The following GPHN variants were observed in gnomAD, a reference collection of about 807,000 sequenced individuals.
The protein encoded by GPHN is gephyrin.
In GPHN, 17 loss-of-function variants were observed where a neutral mutation model predicts 95.5. That is an observed-to-expected ratio of 0.18 (90% confidence interval 0.12 to 0.27). The LOEUF is 0.27. GPHN is among the 10% of genes least tolerant of loss of function. GPHN has a pLI of 1.00. For missense variants in GPHN, 660 were observed against 978.1 expected, an observed-to-expected ratio of 0.67 and a Z score of 4.34; for synonymous variants, 320 against 322.5, an observed-to-expected ratio of 0.99 and a Z score of 0.08.
At chr14:67,440,722 C>A in the GPHN span, among the ~76,000 whole-genome samples, 1 of 150,358 alleles carries the variant, frequency 6.7e-6, no homozygotes, top group Admixed American at 6.7e-5. Flanking sequence ...ACTGCCTGGG[C>A]GACAAAGTGG....
At chr14:66,809,390 A>G (rs528263000) in intron 3 of GPHN, among the ~76,000 whole-genome samples, 2 of 152,264 alleles carry the variant, frequency 1.3e-5, no homozygotes, top group South Asian at 2.1e-4. Flanking sequence ...AAAACCTACT[A>G]TTGTCATTAC....
At chr14:66,891,907 A>G (rs1316215119) in intron 5 of GPHN, among the ~76,000 whole-genome samples, 2 of 152,146 alleles carry the variant, frequency 1.3e-5, no homozygotes, top group Non-Finnish European at 2.9e-5. Flanking sequence ...GGGAAATGCA[A>G]ATCAGAACCA....
At chr14:66,728,519 C>T (rs932362928) in intron 2 of GPHN, among the ~76,000 whole-genome samples, 2 of 152,222 alleles carry the variant, frequency 1.3e-5, no homozygotes, top group Admixed American at 1.3e-4. Flanking sequence ...CATAGGAACC[C>T]ACCTTTTGCA....
intron 3 of GPHN, among the ~76,000 whole-genome samples, chr14:66,803,546 A>ATCTT (rs1422036728): frequency 6.6e-6 from 1 of 152,134 alleles, no homozygotes; most frequent in Non-Finnish European, 1.5e-5. Flanking sequence ...TTTTATTCGT[A>ATCTT]TCTTTCTTGA....
At chr14:67,350,758 T>C in the GPHN span, 1 of 1,424,762 alleles carries the variant, frequency 7.0e-7, no homozygotes, top group Non-Finnish European at 9.9e-7. Flanking sequence ...ATCATAATTA[T>C]GTTCCTTTAA....
chr14:66,752,145 G>C (rs2058390131), intron 2 of GPHN, among the ~76,000 whole-genome samples: 1 of 152,094 alleles, frequency 6.6e-6, no homozygotes, highest in Admixed American at 6.6e-5. Context: ...TTAGGGCCTT[G>C]TTCTGAATTA....
the GPHN span, chr14:67,447,016 T>C: frequency 6.6e-6 from 1 of 152,138 alleles, no homozygotes; most frequent in Non-Finnish European, 1.5e-5. Context: ...CTAAATTAGA[T>C]AAGGAAGTCC....
intron 18 of GPHN, among the ~76,000 whole-genome samples, chr14:67,151,221 C>G (rs72717308): frequency 0.054 from 8,201 of 152,272 alleles, 228 homozygotes; most frequent in Middle Eastern, 0.068. Context: ...GTTCTACTTA[C>G]AACTTGAGCT....
intron 1 of GPHN, among the ~76,000 whole-genome samples, chr14:66,665,595 AAAC>A (rs1414259418): frequency 2.0e-5 from 3 of 152,206 alleles, no homozygotes; most frequent in East Asian, 3.9e-4. Flanking sequence ...AAGAGTCAGG[AAAC>A]AACAAGTGCT....
the GPHN span, chr14:67,312,418 A>AT: frequency 2.4e-3 from 1,892 of 783,888 alleles, 34 homozygotes; most frequent in African/African-American, 0.032. Flanking sequence ...TCTCTATTAA[A>AT]TTTTTTTAAA....
intron 1 of GPHN, among the ~76,000 whole-genome samples, chr14:66,553,737 C>G (rs564221084): frequency 2.6e-5 from 4 of 152,036 alleles, no homozygotes; most frequent in Non-Finnish European, 4.4e-5. Flanking sequence ...CCACCACGCC[C>G]GCCTAATTTT....
chr14:67,436,082 C>T, the GPHN span, among the ~76,000 whole-genome samples: 6 of 152,220 alleles, frequency 3.9e-5, no homozygotes, highest in African/African-American at 1.4e-4. Flanking sequence ...GAAATGCCAC[C>T]GTAGCTCTAC....
the GPHN span, chr14:67,578,514 G>C: frequency 2.6e-6 from 4 of 1,561,426 alleles, no homozygotes; most frequent in Non-Finnish European, 2.6e-6. This position sits in a 1 kb window ranked among gnomAD's most constrained non-coding sequence, Gnocchi z 5.0. Flanking sequence ...CTCACCCCAC[G>C]CTGTCTGTGT....
chr14:66,766,273 TAGC>T (rs1300004343), intron 2 of GPHN, among the ~76,000 whole-genome samples: 1 of 152,120 alleles, frequency 6.6e-6, no homozygotes, highest in African/African-American at 2.4e-5. Flanking sequence ...CTGAACAAGT[TAGC>T]AGAGATTTCA....
At chr14:67,042,090 G>A (rs2074736216) in intron 10 of GPHN, among the ~76,000 whole-genome samples, 1 of 151,540 alleles carries the variant, frequency 6.6e-6, no homozygotes, top group South Asian at 2.1e-4. Context: ...ATTTGTTTGA[G>A]TTCTTTGTGG....
chr14:67,326,462 C>A, the GPHN span, among the ~76,000 whole-genome samples: 1 of 151,828 alleles, frequency 6.6e-6, no homozygotes, highest in Non-Finnish European at 1.5e-5. Flanking sequence ...TTAGAACTTT[C>A]TGATTCTTTT....
At chr14:67,017,962 T>C (rs1017222665) in intron 9 of GPHN, among the ~76,000 whole-genome samples, 1 of 152,086 alleles carries the variant, frequency 6.6e-6, no homozygotes, top group African/African-American at 2.4e-5. Context: ...CTACAAAATA[T>C]TCAGATTTAG....
intron 2 of GPHN, among the ~76,000 whole-genome samples, chr14:66,748,215 AT>A (rs575000098): frequency 2.2e-3 from 340 of 152,234 alleles, no homozygotes; most frequent in African/African-American, 7.7e-3. Context: ...TGCAAAAAAA[AT>A]ACTTTTACTA....
At chr14:66,559,514 T>G (rs2060143159) in intron 1 of GPHN, among the ~76,000 whole-genome samples, 1 of 151,326 alleles carries the variant, frequency 6.6e-6, no homozygotes, top group South Asian at 2.1e-4. Context: ...TTTTCATGTG[T>G]TTTTTGGCTG....
Sources: allele counts gnomAD v4.1 joint callset (sites outside exome capture counted in the v4.1 genomes callset), GRCh38; gene constraint gnomAD v4.1.1; non-coding constraint Gnocchi (gnomAD v3.1); transcripts MANE v1.5; gene names NCBI Gene and HGNC (gene_info 2026-07-23, HGNC 2026-07-21).